Variants in PPP4R3A observed in about 807,000 individuals in gnomAD.
The protein encoded by PPP4R3A is serine/threonine-protein phosphatase 4 regulatory subunit 3A.
A neutral mutation model predicts 91.7 loss-of-function variants in PPP4R3A; 15 were observed. The ratio of observed to expected loss-of-function variants is 0.16; its 90% CI spans 0.11 to 0.25. The LOEUF (loss-of-function observed/expected upper bound fraction) is 0.25, where lower values mean the gene tolerates loss of function less well. Among genes scored for constraint, PPP4R3A ranks in the 10% least tolerant of loss-of-function variants. The pLI is 1.00. For missense variants in PPP4R3A, 623 were observed against 998.4 expected, an observed-to-expected ratio of 0.62 and a Z score of 5.07; for synonymous variants, 377 against 348.7, an observed-to-expected ratio of 1.08 and a Z score of -0.91.
At chr14:91,501,924 A>G (rs55747382) in intron 1 of PPP4R3A, among the ~76,000 whole-genome samples, 67,097 of 136,000 alleles carry the variant, frequency 0.49, 16,484 homozygotes, top group Admixed American at 0.54. Flanking sequence ...GGGTTTCACC[A>G]TGTTAGCCAG....
chr14:91,463,742 G>C (rs1888303465), intron 11 of PPP4R3A, among the ~76,000 whole-genome samples: 1 of 152,126 alleles, frequency 6.6e-6, no homozygotes, highest in Non-Finnish European at 1.5e-5. Context: ...CCTGGCCATG[G>C]ACATATATGT....
intron 11 of PPP4R3A, among the ~76,000 whole-genome samples, chr14:91,463,903 C>T (rs190857182): frequency 2.6e-5 from 4 of 152,296 alleles, no homozygotes; most frequent in East Asian, 1.9e-4. Context: ...CAATCCCCAC[C>T]TTCTCCTACT....
In PPP4R3A at chr14:91,482,134, C is replaced by T. The variant is rs145404951; in HGVS notation, c.357G>A (p.Glu119=). The change falls in exon 4 of 15, where the codon GAG becomes GAA. Residue 119 remains glutamate, a synonymous_variant. Coordinates refer to ENST00000554943, the MANE Select transcript of PPP4R3A (RefSeq NM_001366432.2). The part of the protein sequence containing the change: ...ITQDLVDESE[E]ERFDDMSSPG... ...GCGATGACATATCATCAAAACGCTCCTCTTCAGATTCATCCACAAGGTCCT... is the reference window on the plus strand; with the variant it reads ...GCGATGACATATCATCAAAACGCTCTTCTTCAGATTCATCCACAAGGTCCT... 1.2e-6 allele frequency: 2 copies of T among 1,614,000 alleles called. No individual in the cohort carries two copies. The highest frequency in any genetic ancestry group is 2.7e-5 in the African/African-American group (2 of 74,914).
chr14:91,462,197 G>A lies in PPP4R3A; in HGVS notation c.2016C>T (p.Ala672=). The change falls in exon 13 of 15, where the codon GCC becomes GCT. Residue 672 remains alanine (A), a synonymous_variant. Transcript: ENST00000554943. Reference sequence around the variant, plus strand: ...TCTCTTCTTCATCTTCTAGTGTTCTGGCATCTCTTCGATATCTGTGATTCC... The same window carrying A: ...TCTCTTCTTCATCTTCTAGTGTTCTAGCATCTCTTCGATATCTGTGATTCC... ...ILRNHRYRRD[A]RTLEDEEEMW... is the part of the protein sequence containing the mutation. The A allele has an allele frequency of 6.3e-7, 1 of 1,598,738 alleles. No homozygotes were observed. The highest frequency in any genetic ancestry group is 8.5e-7 in the Non-Finnish European group (1 of 1,175,350).
chr14:91,499,672 T>C (rs1890813218), intron 1 of PPP4R3A, among the ~76,000 whole-genome samples: 2 of 151,722 alleles, frequency 1.3e-5, no homozygotes, highest in Admixed American at 6.6e-5. Flanking sequence ...AATACAAAAA[T>C]TAGCTGGGCA....
intron 9 of PPP4R3A, among the ~76,000 whole-genome samples, chr14:91,471,789 C>T (rs758984004): frequency 6.6e-6 from 1 of 152,044 alleles, no homozygotes; most frequent in South Asian, 2.1e-4. Context: ...CAAGGCTGGG[C>T]GTGGTGGCTC....
intron 9 of PPP4R3A, 40 bp from the exon 10 acceptor site, chr14:91,471,035 A>C: frequency 6.5e-7 from 1 of 1,531,592 alleles, no homozygotes; most frequent in South Asian, 1.3e-5. Context: ...TTTAATGACT[A>C]ACATTTTTCC....
chr14:91,509,404 C>T (rs747875720), intron 1 of PPP4R3A, 102 bp downstream of exon 1: 486 of 1,488,716 alleles, frequency 3.3e-4, no homozygotes, highest in Non-Finnish European at 4.1e-4. Flanking sequence ...CCCCAGCCGT[C>T]CCTCTGTTCT....
chr14:91,467,610 A>G (rs1024171825), intron 10 of PPP4R3A, among the ~76,000 whole-genome samples: 1 of 151,904 alleles, frequency 6.6e-6, no homozygotes, highest in Non-Finnish European at 1.5e-5. Context: ...ACTCTCAAAC[A>G]ACATAAAAGT....
chr14:91,478,788 T>C (rs1442436389), intron 4 of PPP4R3A, among the ~76,000 whole-genome samples: 1 of 152,230 alleles, frequency 6.6e-6, no homozygotes, highest in Non-Finnish European at 1.5e-5. Flanking sequence ...CAAAATTTTC[T>C]AAACAGGAAC....
chr14:91,466,236 A>C (rs947173289), intron 10 of PPP4R3A: 1 of 985,720 alleles, frequency 1.0e-6, no homozygotes, highest in Non-Finnish European at 1.2e-6. Flanking sequence ...CAGTTATTGT[A>C]AACAGTGCAA....
At chr14:91,464,311 ACT>A (rs1399526353) in intron 11 of PPP4R3A, among the ~76,000 whole-genome samples, 1 of 150,130 alleles carries the variant, frequency 6.7e-6, no homozygotes, top group Non-Finnish European at 1.5e-5. Flanking sequence ...ACAGAGTGAG[ACT>A]CTGTCCCCAC....
chr14:91,472,458 GT>G (rs76707705), intron 9 of PPP4R3A, among the ~76,000 whole-genome samples: 72,453 of 133,422 alleles, frequency 0.54, 18,624 homozygotes, highest in African/African-American at 0.63. Flanking sequence ...CAGGAAAATT[GT>G]TTTTTTTTTT....
At chr14:91,479,779 T>A (rs571558402) in intron 4 of PPP4R3A, among the ~76,000 whole-genome samples, 5 of 152,290 alleles carry the variant, frequency 3.3e-5, no homozygotes, top group Admixed American at 1.3e-4. Flanking sequence ...TGACCTCAGG[T>A]GATCCACCCG....
rs570706223 is a variant in PPP4R3A, at chr14:91,495,504, T to G, written c.143-4702A>C. The stretch of plus-strand genomic sequence containing the variant: ...GTAAATTTAGAGACAGAAAATAGAT[T>G]AGTGGTTGTTTAGGGCTGGGAGGAA... On this transcript the variant is annotated intron_variant, in intron 1 of 14. Transcript: ENST00000554943. Among the ~76,000 whole-genome samples the G allele has an allele frequency of 7.2e-5, 11 of 151,948 alleles. No homozygotes were observed. The East Asian group carries it at 2.1e-3, about 29-fold the overall frequency.
In PPP4R3A at chr14:91,506,095, GCCA is replaced by G. The variant is rs1891275713; in HGVS notation, c.142+3408_142+3410del. On this transcript the variant is annotated intron_variant, in intron 1 of 14. Transcript: ENST00000554943. Reference sequence around the variant, plus strand: ...TGAGCAGCTGGGACTACAGGCGCCCGCCACCACACCTGGCTACATTTTTGTATG... The same window carrying G: ...TGAGCAGCTGGGACTACAGGCGCCCGCCACACCTGGCTACATTTTTGTATG... 4.6e-5 allele frequency among the ~76,000 whole-genome samples: 7 copies of G among 152,080 alleles called. No individual in the cohort carries two copies. The South Asian group carries it at 1.5e-3, about 32-fold the overall frequency.
At chr14:91,467,583 G>A (rs1296226575) in intron 10 of PPP4R3A, among the ~76,000 whole-genome samples, 3 of 43,774 alleles carry the variant, frequency 6.9e-5, no homozygotes, top group African/African-American at 3.6e-4. Flanking sequence ...AGATTTCCAT[G>A]TTTTTAACAA....
At chr14:91,496,481 T>A (rs1432788157) in intron 1 of PPP4R3A, among the ~76,000 whole-genome samples, 1 of 152,168 alleles carries the variant, frequency 6.6e-6, no homozygotes, top group African/African-American at 2.4e-5. Flanking sequence ...CAATTATTTC[T>A]CAAGTACCAG....
intron 1 of PPP4R3A, among the ~76,000 whole-genome samples, chr14:91,498,348 A>G (rs913797649): frequency 2.0e-5 from 3 of 152,140 alleles, no homozygotes; most frequent in Non-Finnish European, 4.4e-5. Flanking sequence ...AAAAAAAAAA[A>G]AGACACTCTT....
Sources: allele counts gnomAD v4.1 joint callset (sites outside exome capture counted in the v4.1 genomes callset), GRCh38; gene constraint gnomAD v4.1.1; transcripts MANE v1.5; gene names NCBI Gene and HGNC (gene_info 2026-07-23, HGNC 2026-07-21).